C9orf72: variants seen among roughly 807,000 people sequenced by gnomAD.
C9orf72 encodes the protein C9orf72-SMCR8 complex subunit.
C9orf72 carries 44 observed loss-of-function variants against 51.6 expected under a neutral mutation model. That is an observed-to-expected ratio of 0.85 (90% CI 0.67 to 1.10). The LOEUF (loss-of-function observed/expected upper bound fraction) is 1.10. Among genes scored for constraint, C9orf72 ranks in the 50% least tolerant of loss-of-function variants. The pLI is 0.00. For synonymous variants in C9orf72, 213 were observed against 194.2 expected (o/e 1.10, Z -0.81); for missense variants, 607 against 570.6 (o/e 1.06, Z -0.65).
chr9:27,563,368 T>A (rs1313184877), intron 3 of C9orf72, among the ~76,000 whole-genome samples: 1 of 152,128 alleles, frequency 6.6e-6, no homozygotes, highest in Non-Finnish European at 1.5e-5. Flanking sequence ...ATATGGATGG[T>A]CCCTCATTTA....
In C9orf72 at chr9:27,561,651, T is replaced by TA; in HGVS notation, c.601-3dup. On this transcript the variant is annotated splice_region_variant and splice_polypyrimidine_tract_variant and intron_variant, in intron 4 of 10. Coordinates refer to ENST00000380003, the MANE Select transcript of C9orf72 (RefSeq NM_018325.5). ...ATCATTGAGTACTGTATCAGCTATC[T>TA]AAAATGCATCAAAAAATAAAAAAAT... The TA allele has an allele frequency of 6.4e-7, 1 of 1,569,004 alleles. No individual in the cohort carries two copies. The highest frequency in any genetic ancestry group is 8.7e-7 in the Non-Finnish European group (1 of 1,146,630).
rs1319260870 is a variant in C9orf72, at chr9:27,548,691, CA to C, written c.1150-26del. 2.2e-6 allele frequency: 3 copies of C among 1,352,610 alleles called. No individual in the cohort carries two copies. The Admixed American group carries it at 5.1e-5, about 23-fold the overall frequency. The allele number at this position is 1,352,610 out of a possible 1,614,324, so 83.8% of individuals were successfully genotyped here. A position where few individuals can be genotyped will look rare whatever the true frequency, so the allele number is the denominator to read the frequency against. On this transcript the variant is annotated intron_variant, in intron 9 of 10. Coordinates refer to ENST00000380003, the MANE Select transcript of C9orf72 (RefSeq NM_018325.5). Reference sequence around the variant, plus strand: ...CCTGCAGGGAGAGGAACCATTTCAACACATAATTTGCTCACATTCTACTCGT... The same window carrying C: ...CCTGCAGGGAGAGGAACCATTTCAACCATAATTTGCTCACATTCTACTCGT...
intron 4 of C9orf72, 103 bp from the exon 5 acceptor site, chr9:27,561,752 C>T (rs564961538): frequency 4.6e-6 from 3 of 653,174 alleles, no homozygotes; most frequent in East Asian, 6.0e-5. Context: ...CAATATAACA[C>T]ACTGCCTTCA....
intron 2 of C9orf72, among the ~76,000 whole-genome samples, chr9:27,566,359 G>T (rs1819466422): frequency 6.6e-6 from 1 of 152,092 alleles, no homozygotes; most frequent in Non-Finnish European, 1.5e-5. Flanking sequence ...AGACAGAATT[G>T]TGCAATGAAA....
chr9:27,562,427 T>TC lies in C9orf72; in HGVS notation c.553dup (p.Glu185GlyfsTer13). 1.3e-6 allele frequency: 2 copies of TC among 1,597,126 alleles called. No homozygotes were observed. The stretch of plus-strand genomic sequence containing the variant: ...GTGTGATTTCATAGATGAAAGCAGT[T>TC]CCATTACAGGAATCACTTCTCCAGT... On this transcript the variant is annotated frameshift_variant, in exon 4 of 11. Coordinates refer to ENST00000380003, the MANE Select transcript of C9orf72 (RefSeq NM_018325.5). LOFTEE classifies it high-confidence loss of function.
chr9:27,569,038 G>A (rs1819531374), intron 1 of C9orf72, among the ~76,000 whole-genome samples: 1 of 151,524 alleles, frequency 6.6e-6, no homozygotes, highest in South Asian at 2.1e-4. Flanking sequence ...CTATGCCTAG[G>A]TGAAAGTGTG....
At chr9:27,550,045 A>G (rs1007827933) in intron 9 of C9orf72, among the ~76,000 whole-genome samples, 28 of 150,716 alleles carry the variant, frequency 1.9e-4, no homozygotes, top group Non-Finnish European at 3.8e-4. Flanking sequence ...CATAGAGTAT[A>G]TGTTATATAT....
intron 1 of C9orf72, among the ~76,000 whole-genome samples, chr9:27,568,019 T>C (rs1819506654): frequency 6.7e-6 from 1 of 150,298 alleles, no homozygotes; most frequent in South Asian, 2.1e-4. Flanking sequence ...TGTGGTGCTT[T>C]GTTAAGTAAT....
At chr9:27,568,498 C>T (rs1264248489) in intron 1 of C9orf72, among the ~76,000 whole-genome samples, 2 of 152,156 alleles carry the variant, frequency 1.3e-5, no homozygotes, top group African/African-American at 4.8e-5. Flanking sequence ...CATCTTAATC[C>T]ACATAAACAT....
At chr9:27,550,493 G>C (rs1820884511) in intron 9 of C9orf72, among the ~76,000 whole-genome samples, 157 bp downstream of exon 9, 1 of 152,070 alleles carries the variant, frequency 6.6e-6, no homozygotes, top group East Asian at 1.9e-4. Flanking sequence ...AGACTCTTCT[G>C]AGAACTGTAG....
chr9:27,562,605 G>A, intron 3 of C9orf72, 129 bp from the exon 4 acceptor site: 1 of 440,800 alleles, frequency 2.3e-6, no homozygotes, highest in South Asian at 4.9e-5. Context: ...TTCAAACACA[G>A]TATCAAACAA....
chr9:27,553,992 T>G (rs1820959858), intron 8 of C9orf72, among the ~76,000 whole-genome samples: 1 of 152,096 alleles, frequency 6.6e-6, no homozygotes, highest in Non-Finnish European at 1.5e-5. Context: ...TAGGAATGGC[T>G]ATTATTAAAA....
Position 27,548,589 on chromosome 9 carries a change from G to C in C9orf72, c.1227C>G (p.Ala409=). 6.2e-7 allele frequency: 1 copy of C among 1,609,826 alleles called. No homozygotes were observed. Among genetic ancestry groups the C allele is most frequent in the Non-Finnish European group, 8.5e-7 (1 of 1,176,248 alleles). ...CTTCTATATATTTTATTAGTGTCAA[G>C]GCTTTTCTGTGAAGGACAAGTAGAA... ...AQFLLVLHRK[A]LTLIKYIEDD... is the part of the protein sequence containing the mutation. Residue 409 remains alanine, a synonymous_variant, in exon 10 of 11, where the codon GCC becomes GCG. Transcript: ENST00000380003.
At chr9:27,548,715 C>G (rs376835503) in intron 9 of C9orf72, 49 bp from the exon 10 acceptor site, 73 of 1,050,722 alleles carry the variant, frequency 6.9e-5, no homozygotes, top group Admixed American at 1.2e-4. Flanking sequence ...ACATTCTACT[C>G]GTACAGAAGT....
rs180849768 is a variant in C9orf72, at chr9:27,571,897, C to T, written c.-45+1534G>A. Among the ~76,000 whole-genome samples, 28 of 152,348 alleles carry T rather than the reference C, an allele frequency of 1.8e-4. No individual in the cohort carries two copies. In the East Asian group the frequency reaches 3.9e-3, roughly 21 times the overall value. On this transcript the variant is annotated intron_variant, in intron 1 of 10. Transcript: ENST00000380003. ...GTTTACAGTACCAGAAAGTTCACAA[C>T]ACTTTCTCAATCTTCAACATCAGGG...
In C9orf72 at chr9:27,558,621, T is replaced by C; in HGVS notation, c.739-14A>G. On this transcript the variant is annotated splice_polypyrimidine_tract_variant and intron_variant, in intron 6 of 10. Transcript: ENST00000380003. ...TGTTCTGACTATCTATAAAAGAAAA[T>C]ATTTTAGCATTAAAACATGAAGTAA... 7.4e-7 allele frequency: 1 copy of C among 1,359,942 alleles called. No homozygotes were observed. Among genetic ancestry groups the C allele is most frequent in the East Asian group, 2.3e-5 (1 of 43,438 alleles). The allele number at this position is 1,359,942 out of a possible 1,614,324, so 84.2% of individuals were successfully genotyped here. A position where few individuals can be genotyped will look rare whatever the true frequency, so the allele number is the denominator to read the frequency against.
In C9orf72 at chr9:27,562,487, A is replaced by G; in HGVS notation, c.505-11T>C. ...AATAATACTCTGACCCTGCACAATAAAGTGACATGAAGTGAAGAAAATCAC... is the reference window on the plus strand; with the variant it reads ...AATAATACTCTGACCCTGCACAATAGAGTGACATGAAGTGAAGAAAATCAC... On this transcript the variant is annotated splice_polypyrimidine_tract_variant and intron_variant, in intron 3 of 10. Transcript: ENST00000380003. The G allele has an allele frequency of 7.3e-7, 1 of 1,372,530 alleles. No homozygotes were observed. The highest frequency in any genetic ancestry group is 1.0e-6 in the Non-Finnish European group (1 of 1,002,458). The allele number at this position is 1,372,530 out of a possible 1,614,324, so 85.0% of individuals were successfully genotyped here.
At chr9:27,551,869 G>A (rs1410996259) in intron 8 of C9orf72, among the ~76,000 whole-genome samples, 1 of 152,168 alleles carries the variant, frequency 6.6e-6, no homozygotes, top group African/African-American at 2.4e-5. Flanking sequence ...GCAGTGTTTT[G>A]TAATTCTCAT....
At chr9:27,569,530 C>G (rs535557525) in intron 1 of C9orf72, among the ~76,000 whole-genome samples, 9 of 152,300 alleles carry the variant, frequency 5.9e-5, no homozygotes, top group Admixed American at 4.6e-4. Flanking sequence ...AGTACAGTAA[C>G]AGTTGTACAG....
Sources: gnomAD v4.1 joint callset for allele counts (sites outside exome capture counted in the v4.1 genomes callset) on GRCh38, gnomAD v4.1.1 for gene constraint, MANE v1.5 for transcripts, NCBI Gene and HGNC (gene_info 2026-07-23, HGNC 2026-07-21) for gene names.